Variants in MDGA2 observed in about 807,000 individuals in gnomAD.
MDGA2 encodes MAM domain-containing glycosylphosphatidylinositol anchor protein 2.
MDGA2 carries 40 observed loss-of-function variants against 117.8 expected under a neutral mutation model. The ratio of observed to expected loss-of-function variants is 0.34; its 90% CI spans 0.26 to 0.44. MDGA2 has a LOEUF of 0.44. Ranked by LOEUF, MDGA2 falls within the 20% of genes least tolerant of loss-of-function variation. MDGA2 has a pLI of 1.00. For synonymous variants in MDGA2, 452 were observed against 439.0 expected (o/e 1.03, Z -0.37); for missense variants, 1,123 against 1,250.6 (o/e 0.90, Z 1.54).
At chr14:47,132,626 C>G (rs1286141449) in intron 4 of MDGA2, among the ~76,000 whole-genome samples, 2 of 151,822 alleles carry the variant, frequency 1.3e-5, no homozygotes, top group Admixed American at 1.3e-4. Flanking sequence ...AACAACAAAA[C>G]GTAGTCTCCT....
intron 1 of MDGA2, among the ~76,000 whole-genome samples, chr14:47,652,414 A>G (rs2138272271): frequency 6.6e-6 from 1 of 152,272 alleles, no homozygotes; most frequent in East Asian, 1.9e-4. Context: ...AACAGCAATA[A>G]AAGTATCAGA....
At chr14:47,297,434 G>A (rs1889111084) in intron 2 of MDGA2, among the ~76,000 whole-genome samples, 1 of 147,292 alleles carries the variant, frequency 6.8e-6, no homozygotes, top group Admixed American at 6.9e-5. Context: ...GGAGTGGAGG[G>A]GAGTGAAGGG....
At chr14:47,456,350 T>G (rs902412150) in intron 1 of MDGA2, among the ~76,000 whole-genome samples, 1 of 148,426 alleles carries the variant, frequency 6.7e-6, no homozygotes, top group South Asian at 2.1e-4. Flanking sequence ...AGGAGTGCAA[T>G]GGTGCCATCT....
At chr14:47,316,429 T>G (rs1490373694) in intron 1 of MDGA2, among the ~76,000 whole-genome samples, 1 of 152,068 alleles carries the variant, frequency 6.6e-6, no homozygotes, top group Non-Finnish European at 1.5e-5. Context: ...AATCTAAAGT[T>G]CTCTTTTTGA....
intron 1 of MDGA2, among the ~76,000 whole-genome samples, chr14:47,366,309 T>A (rs1286562713): frequency 6.6e-6 from 1 of 152,064 alleles, no homozygotes; most frequent in Non-Finnish European, 1.5e-5. Context: ...GTAGGAAGAA[T>A]TTTAAAATGT....
chr14:46,921,068 T>C (rs1335516643), intron 9 of MDGA2, among the ~76,000 whole-genome samples: 1 of 152,166 alleles, frequency 6.6e-6, no homozygotes, highest in African/African-American at 2.4e-5. Context: ...TGAAGTATAA[T>C]TTTTTCTATT....
chr14:47,106,671 C>T (rs928573151), intron 5 of MDGA2, among the ~76,000 whole-genome samples: 3 of 152,026 alleles, frequency 2.0e-5, no homozygotes, highest in Non-Finnish European at 2.9e-5. Context: ...ACTGCCCGAT[C>T]GCCTCGGAAG....
intron 1 of MDGA2, among the ~76,000 whole-genome samples, chr14:47,629,168 G>T: frequency 6.6e-6 from 1 of 152,156 alleles, no homozygotes; most frequent in East Asian, 1.9e-4. Context: ...GGTTGTATGT[G>T]AATAAAAACG....
rs1053313734 is a variant in MDGA2 at position 47,321,239 on chromosome 14, C to G, written c.281-19689G>C. 2.0e-5 allele frequency among the ~76,000 whole-genome samples: 3 copies of G among 152,278 alleles called. No homozygotes were observed. In the East Asian group the frequency reaches 5.8e-4, roughly 29 times the overall value. Reference sequence around the variant, plus strand: ...ACCCTATGCATTTGCTCTTGAGATTCTCTTATGTGGCAGACCTGACCTTGG... The same window carrying G: ...ACCCTATGCATTTGCTCTTGAGATTGTCTTATGTGGCAGACCTGACCTTGG... On this transcript the variant is annotated intron_variant, in intron 1 of 16. Coordinates refer to ENST00000399232, the MANE Select transcript of MDGA2 (RefSeq NM_001113498.3).
At chr14:47,426,150 C>G (rs1039431094) in intron 1 of MDGA2, among the ~76,000 whole-genome samples, 1 of 152,016 alleles carries the variant, frequency 6.6e-6, no homozygotes, top group African/African-American at 2.4e-5. Flanking sequence ...GGCGGGGATA[C>G]ATTCTTCTGT....
intron 9 of MDGA2, among the ~76,000 whole-genome samples, chr14:46,929,189 C>T (rs532639627): frequency 6.6e-4 from 101 of 152,112 alleles, no homozygotes; most frequent in African/African-American, 2.1e-3. Flanking sequence ...ACCTGTCTGA[C>T]GAATTGTTAT....
In MDGA2 at chr14:47,532,146, G is replaced by A. The variant is rs535847156; in HGVS notation, c.280+142371C>T. Among the ~76,000 whole-genome samples, 9 of 152,236 alleles carry A rather than the reference G, an allele frequency of 5.9e-5. No homozygotes were observed. In the East Asian group the frequency reaches 7.7e-4, roughly 13 times the overall value. ...ATAATTGCATCAAACAGCAGTCTTCGCCTCTACATATTTATGATTAATTAC... is the reference window on the plus strand; with the variant it reads ...ATAATTGCATCAAACAGCAGTCTTCACCTCTACATATTTATGATTAATTAC... On this transcript the variant is annotated intron_variant, in intron 1 of 16. Coordinates refer to ENST00000399232, the MANE Select transcript of MDGA2 (RefSeq NM_001113498.3).
chr14:47,165,378 G>C (rs964555173), intron 3 of MDGA2, among the ~76,000 whole-genome samples: 4 of 152,116 alleles, frequency 2.6e-5, no homozygotes, highest in Non-Finnish European at 5.9e-5. Flanking sequence ...TCTAGTTCAG[G>C]CTTGATATCC....
chr14:47,551,615 TA>T (rs1895583398), intron 1 of MDGA2, among the ~76,000 whole-genome samples: 1 of 152,172 alleles, frequency 6.6e-6, no homozygotes, highest in Admixed American at 6.5e-5. Context: ...TCAGACATTT[TA>T]TATATCAATC....
At chr14:47,436,182 T>C (rs1181475048) in intron 1 of MDGA2, among the ~76,000 whole-genome samples, 16 of 152,086 alleles carry the variant, frequency 1.1e-4, no homozygotes, top group African/African-American at 3.6e-4. Context: ...TTTTCATTTC[T>C]CAATTTGAGA....
intron 8 of MDGA2, among the ~76,000 whole-genome samples, chr14:46,984,337 C>T (rs1026614037): frequency 2.6e-5 from 4 of 151,896 alleles, no homozygotes; most frequent in Non-Finnish European, 5.9e-5. Context: ...TTTATTTTTA[C>T]TTGTGTGTGG....
intron 1 of MDGA2, among the ~76,000 whole-genome samples, chr14:47,545,790 A>G (rs1330520869): frequency 1.3e-5 from 2 of 152,188 alleles, no homozygotes; most frequent in Non-Finnish European, 2.9e-5. Flanking sequence ...GTGGGCTACA[A>G]AAAGAAATCA....
intron 1 of MDGA2, among the ~76,000 whole-genome samples, chr14:47,570,476 T>C (rs930106919): frequency 6.6e-6 from 1 of 152,192 alleles, no homozygotes; most frequent in Non-Finnish European, 1.5e-5. Flanking sequence ...TTTCCTTTCA[T>C]GGAGTTGTTA....
At chr14:47,669,820 G>A (rs974154138) in intron 1 of MDGA2, among the ~76,000 whole-genome samples, 5 of 151,810 alleles carry the variant, frequency 3.3e-5, no homozygotes, top group African/African-American at 1.2e-4. Context: ...TTAGTCAAAG[G>A]CAGTATCTCA....
Sources: gnomAD v4.1 joint callset for allele counts (sites outside exome capture counted in the v4.1 genomes callset) on GRCh38, gnomAD v4.1.1 for gene constraint, MANE v1.5 for transcripts, NCBI Gene and HGNC (gene_info 2026-07-23, HGNC 2026-07-21) for gene names.